The following PPP2R5E variants were observed in gnomAD, a reference collection of about 807,000 sequenced individuals.
The protein encoded by PPP2R5E is serine/threonine-protein phosphatase 2A 56 kDa regulatory subunit epsilon isoform.
A neutral mutation model predicts 65.3 loss-of-function variants in PPP2R5E; 4 were observed. The observed-to-expected ratio is 0.06, with a 90% CI of 0.03 to 0.14. The LOEUF (loss-of-function observed/expected upper bound fraction) is 0.14, where lower values mean the gene tolerates loss of function less well. Among genes scored for constraint, PPP2R5E ranks in the 10% least tolerant of loss-of-function variants. PPP2R5E has a pLI of 1.00. For synonymous variants in PPP2R5E, 183 were observed against 187.4 expected, an observed-to-expected ratio of 0.98 and a Z score of 0.19; for missense variants, 274 against 556.1, an observed-to-expected ratio of 0.49 and a Z score of 5.10.
At chr14:63,527,795 C>G (rs983656478) in intron 2 of PPP2R5E, among the ~76,000 whole-genome samples, 1 of 151,814 alleles carries the variant, frequency 6.6e-6, no homozygotes, top group African/African-American at 2.4e-5. Flanking sequence ...CTTAGCTGGG[C>G]GTGGTGGTGG....
At position 63,481,589 on chromosome 14, in the gene PPP2R5E, TA is replaced by T. The variant is rs60459776; in HGVS notation, c.158-27705del. On this transcript the variant is annotated intron_variant, in intron 2 of 13. Transcript: ENST00000337537. ...GTATGAAGAGCTCATTTATTTAATT[TA>T]AAAAAAGCCACAGTCCTATGCATTT... is the stretch of plus-strand genomic sequence containing the variant. 6.6e-5 allele frequency among the ~76,000 whole-genome samples: 10 copies of T among 152,138 alleles called. No individual in the cohort carries two copies. In the East Asian group the frequency reaches 1.9e-3, roughly 29 times the overall value.
intron 10 of PPP2R5E, among the ~76,000 whole-genome samples, chr14:63,390,182 A>G (rs1182025877): frequency 1.3e-5 from 2 of 152,074 alleles, no homozygotes; most frequent in African/African-American, 2.4e-5. Flanking sequence ...TACATGCTCA[A>G]TGCTCTAGAA....
At chr14:63,518,292 AGTGCAGTG>A (rs1892745147) in intron 2 of PPP2R5E, among the ~76,000 whole-genome samples, 1 of 152,070 alleles carries the variant, frequency 6.6e-6, no homozygotes, top group Non-Finnish European at 1.5e-5. Context: ...CCCAGTCTGG[AGTGCAGTG>A]GTGCAATCAT....
intron 2 of PPP2R5E, among the ~76,000 whole-genome samples, chr14:63,456,313 A>G (rs1344273139): frequency 6.6e-6 from 1 of 152,202 alleles, no homozygotes; most frequent in Admixed American, 6.5e-5. Context: ...AATAGTACTC[A>G]AGAGATTCAT....
At chr14:63,405,818 A>G (rs1886043803) in intron 5 of PPP2R5E, among the ~76,000 whole-genome samples, 1 of 152,218 alleles carries the variant, frequency 6.6e-6, no homozygotes, top group African/African-American at 2.4e-5. Context: ...ATTGTTCCAT[A>G]AAGCCTAGGC....
At chr14:63,500,832 C>A (rs916889184) in intron 2 of PPP2R5E, among the ~76,000 whole-genome samples, 2 of 151,282 alleles carry the variant, frequency 1.3e-5, no homozygotes, top group East Asian at 3.9e-4. Flanking sequence ...CACCACTACA[C>A]AATCAGCCTG....
chr14:63,378,042 T>G (rs1372755511), intron 13 of PPP2R5E, among the ~76,000 whole-genome samples: 1 of 152,180 alleles, frequency 6.6e-6, no homozygotes, highest in Non-Finnish European at 1.5e-5. Context: ...CATTCCAGAT[T>G]CTAAACATAA....
At chr14:63,541,313 CAT>C (rs1356261635) in intron 1 of PPP2R5E, among the ~76,000 whole-genome samples, 2 of 152,178 alleles carry the variant, frequency 1.3e-5, no homozygotes, top group East Asian at 3.8e-4. Context: ...GAACTGAAAA[CAT>C]AAATTCACAG....
At chr14:63,378,022 A>G (rs1331926564) in intron 13 of PPP2R5E, among the ~76,000 whole-genome samples, 1 of 151,886 alleles carries the variant, frequency 6.6e-6, no homozygotes. Context: ...GTGCACCACC[A>G]CTCCTGGTGC....
chr14:63,460,572 A>C (rs993624797), intron 2 of PPP2R5E, among the ~76,000 whole-genome samples: 1 of 152,240 alleles, frequency 6.6e-6, no homozygotes, highest in African/African-American at 2.4e-5. Context: ...AACTTACAAC[A>C]GTATAAAATC....
chr14:63,515,751 C>T (rs2139708773), intron 2 of PPP2R5E, among the ~76,000 whole-genome samples: 1 of 151,676 alleles, frequency 6.6e-6, no homozygotes, highest in South Asian at 2.1e-4. Flanking sequence ...GAACTCCTGA[C>T]CTTGTGATCC....
intron 2 of PPP2R5E, among the ~76,000 whole-genome samples, chr14:63,521,887 G>T (rs945924991): frequency 6.6e-6 from 1 of 151,980 alleles, no homozygotes; most frequent in African/African-American, 2.4e-5. Flanking sequence ...AAATTAATTT[G>T]ATGAGGTTGT....
intron 2 of PPP2R5E, among the ~76,000 whole-genome samples, chr14:63,475,251 C>G (rs894345714): frequency 1.3e-5 from 2 of 152,266 alleles, no homozygotes; most frequent in Non-Finnish European, 2.9e-5. Context: ...ATTTCACTCT[C>G]TTCTCTGTTG....
intron 3 of PPP2R5E, among the ~76,000 whole-genome samples, chr14:63,425,298 A>T (rs1230988063): frequency 6.6e-6 from 1 of 152,256 alleles, no homozygotes; most frequent in African/African-American, 2.4e-5. Flanking sequence ...GACTTTTCAG[A>T]TAACTATCAA....
intron 4 of PPP2R5E, among the ~76,000 whole-genome samples, chr14:63,420,771 G>GAATACATTTCTACGAAAATGCAGCA (rs1243319267): frequency 1.9e-5 from 2 of 104,054 alleles, no homozygotes; most frequent in African/African-American, 5.2e-5. Context: ...GTCAACCTGA[G>GAATACATTTCTACGAAAATGCAGCA]GCCGGGCGCG....
intron 3 of PPP2R5E, among the ~76,000 whole-genome samples, chr14:63,435,383 G>A (rs1481455876): frequency 1.3e-5 from 2 of 151,840 alleles, no homozygotes; most frequent in Non-Finnish European, 1.5e-5. Flanking sequence ...GAAAAAAAAC[G>A]GAAGATGGTG....
chr14:63,523,024 GC>G (rs1344560372), intron 2 of PPP2R5E, among the ~76,000 whole-genome samples: 2 of 148,908 alleles, frequency 1.3e-5, no homozygotes, highest in Non-Finnish European at 3.0e-5. Context: ...CTGCCCGGCC[GC>G]CCCTACTGGG....
chr14:63,408,294 C>G (rs140425178), intron 5 of PPP2R5E, among the ~76,000 whole-genome samples: 60 of 152,280 alleles, frequency 3.9e-4, no homozygotes, highest in African/African-American at 1.4e-3. Context: ...GATTATTTCT[C>G]ACAGAATTGT....
chr14:63,391,536 G>A (rs1885023721), intron 10 of PPP2R5E, among the ~76,000 whole-genome samples: 1 of 152,178 alleles, frequency 6.6e-6, no homozygotes, highest in Admixed American at 6.5e-5. Flanking sequence ...CGATTCTCCT[G>A]CCTCAGCCTC....
Sources: allele counts gnomAD v4.1 joint callset (sites outside exome capture counted in the v4.1 genomes callset), GRCh38; gene constraint gnomAD v4.1.1; transcripts MANE v1.5; gene names NCBI Gene and HGNC (gene_info 2026-07-23, HGNC 2026-07-21).